THADA: variants seen among roughly 807,000 people sequenced by gnomAD.
The protein encoded by THADA is THADA armadillo repeat containing.
THADA carries 213 observed loss-of-function variants against 219.8 expected under a neutral mutation model. The ratio of observed to expected loss-of-function variants is 0.97; its 90% CI spans 0.87 to 1.09. THADA has a LOEUF of 1.09. THADA is among the 50% of genes least tolerant of loss of function. The pLI is 0.00. For missense variants in THADA, 2,956 were observed against 2,311.3 expected (o/e 1.28, Z -5.72); for synonymous variants, 1,018 against 828.9 (o/e 1.23, Z -3.92).
intron 26 of THADA, among the ~76,000 whole-genome samples, chr2:43,455,678 T>C (rs1051023861): frequency 7.9e-5 from 12 of 152,302 alleles, no homozygotes; most frequent in Admixed American, 5.2e-4. Flanking sequence ...ATAAGCAGTA[T>C]TGCAGAAAGG....
At chr2:43,467,841 T>C (rs1011370171) in intron 26 of THADA, among the ~76,000 whole-genome samples, 3 of 152,222 alleles carry the variant, frequency 2.0e-5, no homozygotes, top group Admixed American at 6.5e-5. Context: ...TAATGGAATC[T>C]TATATAATAT....
chr2:43,462,105 T>C (rs1383871511), intron 26 of THADA, among the ~76,000 whole-genome samples: 1 of 152,182 alleles, frequency 6.6e-6, no homozygotes, highest in African/African-American at 2.4e-5. Flanking sequence ...ACTTTGTTGA[T>C]TACTATAGAG....
intron 26 of THADA, among the ~76,000 whole-genome samples, chr2:43,478,946 C>T (rs988855885): frequency 3.3e-5 from 5 of 152,084 alleles, no homozygotes; most frequent in African/African-American, 1.2e-4. Flanking sequence ...ACATCTCAAC[C>T]AGGGTTACAC....
chr2:43,421,367 C>T (rs1446824788), intron 28 of THADA, among the ~76,000 whole-genome samples: 1 of 152,170 alleles, frequency 6.6e-6, no homozygotes, highest in Non-Finnish European at 1.5e-5. Flanking sequence ...CCTATAATTC[C>T]CTTCTCTGAA....
rs60448094 is a variant in THADA, at chr2:43,501,307, CAAAAAAAAAAAAAAAAA to C, written c.3622-2369_3622-2353del. Among the ~76,000 whole-genome samples the C allele has an allele frequency of 9.8e-3, 148 of 15,074 alleles. 3 individuals carry two copies. Among genetic ancestry groups the C allele is most frequent in the African/African-American group, 0.021 (112 of 5,338 alleles). The allele number at this position is 15,074 out of a possible 152,430, so 9.9% of individuals were successfully genotyped here. ...GGCAACAAAAGCGAAACTCCAACTC[CAAAAAAAAAAAAAAAAA>C]AAAAAAAAAAAAAAAGAGAGACTTT... On this transcript the variant is annotated intron_variant, in intron 24 of 37. Coordinates refer to ENST00000405975, the MANE Select transcript of THADA (RefSeq NM_022065.5).
At chr2:43,240,288 GGAGT>G (rs1453393405) in intron 36 of THADA, among the ~76,000 whole-genome samples, 5 of 152,200 alleles carry the variant, frequency 3.3e-5, no homozygotes, top group African/African-American at 1.2e-4. Context: ...AGCGTCTGAC[GGAGT>G]GAGTGTTACT....
intron 28 of THADA, among the ~76,000 whole-genome samples, chr2:43,404,375 C>CTT (rs905817751): frequency 1.5e-4 from 19 of 130,892 alleles, no homozygotes; most frequent in African/African-American, 4.2e-4. Flanking sequence ...TTTTTCTTTT[C>CTT]TTTTTTTTTT....
At chr2:43,402,339 C>T (rs1674956170) in intron 28 of THADA, among the ~76,000 whole-genome samples, 1 of 152,160 alleles carries the variant, frequency 6.6e-6, no homozygotes, top group Non-Finnish European at 1.5e-5. Context: ...AGAGCTGAGA[C>T]AATTTTCTGC....
At chr2:43,411,305 A>G (rs1676277305) in intron 28 of THADA, among the ~76,000 whole-genome samples, 1 of 152,192 alleles carries the variant, frequency 6.6e-6, no homozygotes, top group East Asian at 1.9e-4. Context: ...TATTTTTACC[A>G]CCATAGAAGT....
intron 21 of THADA, among the ~76,000 whole-genome samples, chr2:43,539,952 C>T (rs1394951142): frequency 6.6e-6 from 1 of 152,128 alleles, no homozygotes; most frequent in African/African-American, 2.4e-5. Context: ...GTCTTAGTTA[C>T]AGTAAAAGCA....
At chr2:43,233,558 G>C (rs914115119) in intron 36 of THADA, among the ~76,000 whole-genome samples, 4 of 152,138 alleles carry the variant, frequency 2.6e-5, no homozygotes, top group Non-Finnish European at 5.9e-5. Context: ...GTGGTAGGCT[G>C]CATTTGGCTC....
chr2:43,411,332 T>C (rs1476597019), intron 28 of THADA, among the ~76,000 whole-genome samples: 1 of 152,228 alleles, frequency 6.6e-6, no homozygotes, highest in East Asian at 1.9e-4. Flanking sequence ...CAATAGCACA[T>C]ATTAAAAGAA....
chr2:43,240,869 TGC>T (rs1668547458), intron 36 of THADA, among the ~76,000 whole-genome samples: 1 of 152,208 alleles, frequency 6.6e-6, no homozygotes, highest in African/African-American at 2.4e-5. Flanking sequence ...GAACCAAATG[TGC>T]TGGCCAGAGC....
In THADA at chr2:43,344,249, A is replaced by C. The variant is rs771262269; in HGVS notation, c.4228-12T>G. On this transcript the variant is annotated splice_polypyrimidine_tract_variant and intron_variant, in intron 29 of 37. Coordinates refer to ENST00000405975, the MANE Select transcript of THADA (RefSeq NM_022065.5). Reference sequence around the variant, plus strand: ...AACAAATGAAAAACCTAAACCAAAAAAGAAAAAAAAATCCTGCTGTGAAAA... The same window carrying C: ...AACAAATGAAAAACCTAAACCAAAACAGAAAAAAAAATCCTGCTGTGAAAA... 4.6e-5 allele frequency: 71 copies of C among 1,555,854 alleles called. No homozygotes were observed. Among genetic ancestry groups the C allele is most frequent in the Non-Finnish European group, 5.9e-5 (67 of 1,143,066 alleles).
chr2:43,419,407 T>C (rs1283422890), intron 28 of THADA, among the ~76,000 whole-genome samples: 1 of 152,142 alleles, frequency 6.6e-6, no homozygotes, highest in Non-Finnish European at 1.5e-5. Flanking sequence ...GTGTAGCTTG[T>C]TTTTACTAGA....
At chr2:43,393,707 T>TA (rs34360060) in intron 29 of THADA, among the ~76,000 whole-genome samples, 222 of 132,780 alleles carry the variant, frequency 1.7e-3, no homozygotes, top group East Asian at 2.7e-3. Flanking sequence ...GACTCCGTCT[T>TA]AAAAAAAAAA....
Position 43,549,371 on chromosome 2 carries a change from G to A in THADA, c.2948-3C>T. 1.3e-6 allele frequency: 2 copies of A among 1,599,934 alleles called. No individual in the cohort carries two copies. Among genetic ancestry groups the A allele is most frequent in the East Asian group, 2.2e-5 (1 of 44,612 alleles). ...CATCTGTAAGCGGCTTGCTGACTCT[G>A]AGGGAAAGAAATGAGCGTACATGAA... is the stretch of plus-strand genomic sequence containing the variant. On this transcript the variant is annotated splice_region_variant and splice_polypyrimidine_tract_variant and intron_variant, in intron 19 of 37. Coordinates refer to ENST00000405975, the MANE Select transcript of THADA (RefSeq NM_022065.5).
intron 26 of THADA, among the ~76,000 whole-genome samples, chr2:43,466,309 C>T (rs1684230175): frequency 6.6e-6 from 1 of 152,178 alleles, no homozygotes; most frequent in Admixed American, 6.5e-5. Flanking sequence ...TTCACACCAA[C>T]CTTTCACTAC....
intron 31 of THADA, among the ~76,000 whole-genome samples, chr2:43,312,933 T>C (rs976431214): frequency 1.3e-5 from 2 of 152,194 alleles, no homozygotes; most frequent in African/African-American, 4.8e-5. Context: ...TTTCAATTTG[T>C]TAAAATGGAA....
Sources: gnomAD v4.1 joint callset for allele counts (sites outside exome capture counted in the v4.1 genomes callset) on GRCh38, gnomAD v4.1.1 for gene constraint, MANE v1.5 for transcripts, NCBI Gene and HGNC (gene_info 2026-07-23, HGNC 2026-07-21) for gene names.